DISC1: variants seen among roughly 807,000 people sequenced by gnomAD.
The protein encoded by DISC1 is DISC1 scaffold protein.
A neutral mutation model predicts 84.5 loss-of-function variants in DISC1; 57 were observed. The observed-to-expected ratio is 0.67, with a 90% CI of 0.55 to 0.84. The LOEUF (loss-of-function observed/expected upper bound fraction) is 0.84. Ranked by LOEUF, DISC1 falls within the 40% of genes least tolerant of loss-of-function variation. DISC1 has a pLI of 0.00. For synonymous variants in DISC1, 411 were observed against 415.2 expected, an observed-to-expected ratio of 0.99 and a Z score of 0.12; for missense variants, 1,000 against 1,057.8, an observed-to-expected ratio of 0.95 and a Z score of 0.76.
At chr1:231,957,050 G>A (rs1659635801) in intron 9 of DISC1, among the ~76,000 whole-genome samples, 2 of 152,206 alleles carry the variant, frequency 1.3e-5, no homozygotes, top group Non-Finnish European at 2.9e-5. Context: ...TCTTGATAGG[G>A]AGTGGCAAGG....
intron 1 of DISC1, among the ~76,000 whole-genome samples, chr1:231,688,080 T>G (rs931964439): frequency 6.6e-6 from 1 of 152,166 alleles, no homozygotes; most frequent in Non-Finnish European, 1.5e-5. Flanking sequence ...GTTAGCAAAG[T>G]AAGGATTAAT....
chr1:232,037,063 T>C lies in DISC1; in HGVS notation c.*232T>C, dbSNP rs954485537. The C allele has an allele frequency of 1.4e-5, 5 of 361,756 alleles. No individual in the cohort carries two copies. Among genetic ancestry groups the C allele is most frequent in the Non-Finnish European group, 2.4e-5 (5 of 208,458 alleles). 22.4% of individuals were successfully genotyped at this position (361,756 alleles called of 1,614,324 possible). A position where few individuals can be genotyped will look rare whatever the true frequency, so the allele number is the denominator to read the frequency against. ...TGCTGAATTTCCTTCTAAATGTCAC[T>C]CAAAAATTTCTTTTCCATGTCATTC... is the stretch of plus-strand genomic sequence containing the variant. On this transcript the variant is annotated 3_prime_UTR_variant, in exon 13 of 13. Coordinates refer to ENST00000439617, the MANE Select transcript of DISC1 (RefSeq NM_018662.3).
At position 231,888,586 on chromosome 1, in the gene DISC1, A is replaced by G. The variant is rs955982114; in HGVS notation, c.1981+70069A>G. Among the ~76,000 whole-genome samples, 5 of 151,606 alleles carry G rather than the reference A, an allele frequency of 3.3e-5. No individual in the cohort carries two copies. In the South Asian group the frequency reaches 1.0e-3, roughly 32 times the overall value. Reference sequence around the variant, plus strand: ...CCATCTCTACTAAAAATACAAAAACAAAATTAGCCGGGCATGGTGGCGGGC... The same window carrying G: ...CCATCTCTACTAAAAATACAAAAACGAAATTAGCCGGGCATGGTGGCGGGC... On this transcript the variant is annotated intron_variant, in intron 9 of 12. Coordinates refer to ENST00000439617, the MANE Select transcript of DISC1 (RefSeq NM_018662.3).
intron 9 of DISC1, among the ~76,000 whole-genome samples, chr1:231,917,973 C>T (rs566762362): frequency 3.4e-4 from 52 of 152,322 alleles, no homozygotes; most frequent in African/African-American, 1.3e-3. Context: ...TTGAGGGAGG[C>T]TAAATGGCTT....
chr1:231,652,193 A>G (rs541631001), intron 1 of DISC1, among the ~76,000 whole-genome samples: 2 of 152,376 alleles, frequency 1.3e-5, no homozygotes, highest in African/African-American at 4.8e-5. Flanking sequence ...GCTGCAGACC[A>G]GAGCTGTTCC....
chr1:232,033,972 A>G (rs1185185100), intron 12 of DISC1, among the ~76,000 whole-genome samples: 1 of 152,084 alleles, frequency 6.6e-6, no homozygotes, highest in Non-Finnish European at 1.5e-5. Context: ...ATTCCATATA[A>G]ATTATTCTAC....
chr1:231,886,786 T>A (rs1160926870), intron 9 of DISC1, among the ~76,000 whole-genome samples: 5 of 135,274 alleles, frequency 3.7e-5, no homozygotes, highest in African/African-American at 1.4e-4. Flanking sequence ...TTTCTTTCTT[T>A]CTTTCTTTCT....
chr1:231,799,633 C>A (rs2079029364), intron 7 of DISC1, among the ~76,000 whole-genome samples: 1 of 151,684 alleles, frequency 6.6e-6, no homozygotes, highest in Admixed American at 6.6e-5. Context: ...CCTGGGACTA[C>A]AAAAGTGATG....
chr1:231,852,681 C>G (rs147290165), intron 9 of DISC1, among the ~76,000 whole-genome samples: 298 of 152,338 alleles, frequency 2.0e-3, no homozygotes, highest in African/African-American at 7.0e-3. Flanking sequence ...GAGGTTCCCT[C>G]TCTGCCTAAA....
At chr1:231,991,340 G>A (rs558399698) in intron 10 of DISC1, among the ~76,000 whole-genome samples, 123 of 152,346 alleles carry the variant, frequency 8.1e-4, no homozygotes, top group African/African-American at 2.6e-3. Flanking sequence ...ATTCTTTCTG[G>A]GTTGAGCTGC....
At chr1:231,799,071 G>A (rs565616284) in intron 7 of DISC1, among the ~76,000 whole-genome samples, 3 of 152,230 alleles carry the variant, frequency 2.0e-5, no homozygotes, top group South Asian at 4.1e-4. Flanking sequence ...GGAAAAAAAT[G>A]TGATGTTTTA....
chr1:231,755,984 C>T (rs2075072366), intron 4 of DISC1, among the ~76,000 whole-genome samples: 1 of 152,264 alleles, frequency 6.6e-6, no homozygotes. Flanking sequence ...TGCTCAATGG[C>T]TCCCCATTGC....
chr1:231,751,086 A>G (rs2074557847), intron 4 of DISC1, among the ~76,000 whole-genome samples: 1 of 152,180 alleles, frequency 6.6e-6, no homozygotes, highest in Admixed American at 6.5e-5. Context: ...TGCTTAGTGA[A>G]CTTTTTCATG....
At chr1:231,785,187 T>A (rs1220044435) in intron 6 of DISC1, among the ~76,000 whole-genome samples, 2 of 151,986 alleles carry the variant, frequency 1.3e-5, no homozygotes, top group Non-Finnish European at 2.9e-5. Context: ...GACTGAGCAG[T>A]CATTGGCAAG....
chr1:231,707,190 T>C (rs2067195109), intron 3 of DISC1, among the ~76,000 whole-genome samples: 2 of 152,274 alleles, frequency 1.3e-5, no homozygotes, highest in Non-Finnish European at 2.9e-5. Flanking sequence ...CTTGGCAGCC[T>C]GTATCATTTT....
At chr1:231,995,317 CT>C (rs1454050037) in intron 10 of DISC1, among the ~76,000 whole-genome samples, 6 of 151,594 alleles carry the variant, frequency 4.0e-5, no homozygotes, top group African/African-American at 7.3e-5. Flanking sequence ...TGGTTATTTT[CT>C]TTTTTTCTTT....
intron 11 of DISC1, among the ~76,000 whole-genome samples, chr1:232,014,840 T>C (rs555295905): frequency 6.6e-6 from 1 of 152,354 alleles, no homozygotes; most frequent in East Asian, 1.9e-4. Context: ...TGTTATTGAA[T>C]CTTTCCAAGG....
chr1:231,789,538 C>T (rs1346172524), intron 6 of DISC1, among the ~76,000 whole-genome samples: 1 of 152,174 alleles, frequency 6.6e-6, no homozygotes, highest in Admixed American at 6.5e-5. Context: ...GAGACGATTG[C>T]AGCATTTCAG....
intron 1 of DISC1, among the ~76,000 whole-genome samples, chr1:231,627,799 G>T (rs2058383898): frequency 6.6e-6 from 1 of 152,208 alleles, no homozygotes; most frequent in Non-Finnish European, 1.5e-5. Context: ...CTCATAGCCT[G>T]GCCTCCATGT....
Sources: allele counts gnomAD v4.1 joint callset (sites outside exome capture counted in the v4.1 genomes callset), GRCh38; gene constraint gnomAD v4.1.1; transcripts MANE v1.5; gene names NCBI Gene and HGNC (gene_info 2026-07-23, HGNC 2026-07-21).